Variants in KLHL32 observed in about 807,000 individuals in gnomAD.
KLHL32 encodes the protein kelch like family member 32, also known as kelch-like protein 32.
A neutral mutation model predicts 64.8 loss-of-function variants in KLHL32; 35 were observed. The observed-to-expected ratio is 0.54, with a 90% CI of 0.41 to 0.72. The LOEUF (loss-of-function observed/expected upper bound fraction) is 0.72, where lower values mean the gene tolerates loss of function less well. Among genes scored for constraint, KLHL32 ranks in the 30% least tolerant of loss-of-function variants. The pLI is 0.00. For synonymous variants in KLHL32, 259 were observed against 281.0 expected, an observed-to-expected ratio of 0.92 and a Z score of 0.78; for missense variants, 589 against 768.5, an observed-to-expected ratio of 0.77 and a Z score of 2.76.
At chr6:97,132,388 T>C (rs1247658393) in intron 9 of KLHL32, among the ~76,000 whole-genome samples, 4 of 152,236 alleles carry the variant, frequency 2.6e-5, no homozygotes, top group Non-Finnish European at 1.5e-5. Context: ...CTACATGGCT[T>C]ACTATTGCTG....
chr6:96,977,616 A>T (rs1029870507), intron 3 of KLHL32, among the ~76,000 whole-genome samples: 2 of 152,166 alleles, frequency 1.3e-5, no homozygotes, highest in African/African-American at 4.8e-5. Context: ...TGTTACAGAC[A>T]CCAACTTAGG....
chr6:97,031,340 C>CG (rs1783509011), intron 3 of KLHL32, among the ~76,000 whole-genome samples: 1 of 142,150 alleles, frequency 7.0e-6, no homozygotes, highest in African/African-American at 2.7e-5. Context: ...AAGTTTTTAA[C>CG]ATTTTTTTTT....
At position 97,139,275 on chromosome 6, in the gene KLHL32, C is replaced by T; in HGVS notation, c.1856C>T (p.Thr619Ile). The stretch of plus-strand genomic sequence containing the variant: ...CAAGTGCCTCATCACAGGATTGGCA[C>T]CATCTGAAAAGCCAAGCCATCATGA... The part of the protein sequence containing the change: ...TLQVPHHRIG[T>I]I Residue 619 changes from threonine to isoleucine, a missense_variant, in exon 11 of 11, where the codon ACC becomes ATC. Physicochemically the swap from Thr to Ile is moderately conservative, Grantham distance 89. This residue lies in a region of KLHL32 where 172 missense variants were observed against 192.0 expected (regional missense o/e 0.90). Coordinates refer to ENST00000369261, the MANE Select transcript of KLHL32 (RefSeq NM_052904.4). 1 of 1,612,760 alleles carries T rather than the reference C, an allele frequency of 6.2e-7. No individual in the cohort carries two copies. The highest frequency in any genetic ancestry group is 1.1e-5 in the South Asian group (1 of 90,824).
At chr6:96,962,132 C>T (rs1773947644) in intron 1 of KLHL32, among the ~76,000 whole-genome samples, 1 of 152,108 alleles carries the variant, frequency 6.6e-6, no homozygotes, top group South Asian at 2.1e-4. Context: ...TTCACTTGCT[C>T]ACTATTATGG....
In KLHL32 at chr6:97,094,869, A is replaced by G. The variant is rs149044610; in HGVS notation, c.627+9528A>G. ...ATCTTCTTTGTGTGTGTTCTTGTTG[A>G]TGAGGAATGCCCACTACCTTCTCTG... On this transcript the variant is annotated intron_variant, in intron 6 of 10. Transcript: ENST00000369261. Among the ~76,000 whole-genome samples, 212 of 152,300 alleles carry G rather than the reference A, an allele frequency of 1.4e-3. 1 individual carries two copies. The highest frequency in any genetic ancestry group is 4.8e-3 in the African/African-American group (199 of 41,560).
intron 3 of KLHL32, among the ~76,000 whole-genome samples, chr6:96,989,720 T>C (rs1050722859): frequency 1.3e-5 from 2 of 151,868 alleles, no homozygotes; most frequent in African/African-American, 2.4e-5. Flanking sequence ...TCTCCCCCCC[T>C]CTCTTCCAGG....
At position 97,114,388 on chromosome 6, in the gene KLHL32, G is replaced by A; in HGVS notation, c.1233G>A (p.Gln411=). ...YAVGGRNELR[Q]VLPTVERYCP... The stretch of plus-strand genomic sequence containing the variant: ...TTGGGGGCAGAAATGAACTGCGCCA[G>A]GTTCTGCCTACAGTTGAGCGATATT... Residue 411 remains glutamine, a synonymous_variant, in exon 7 of 11, where the codon CAG becomes CAA. Coordinates refer to ENST00000369261, the MANE Select transcript of KLHL32 (RefSeq NM_052904.4). The A allele has an allele frequency of 6.2e-7, 1 of 1,614,226 alleles. No individual in the cohort carries two copies. Among genetic ancestry groups the A allele is most frequent in the Non-Finnish European group, 8.5e-7 (1 of 1,180,040 alleles).
At chr6:97,038,423 G>A (rs1027182746) in intron 3 of KLHL32, among the ~76,000 whole-genome samples, 62 of 151,970 alleles carry the variant, frequency 4.1e-4, no homozygotes, top group African/African-American at 1.5e-3. Context: ...AATGCTGAAG[G>A]TCACTGAGCA....
At chr6:97,086,132 C>A (rs142683654) in intron 6 of KLHL32, among the ~76,000 whole-genome samples, 9 of 152,258 alleles carry the variant, frequency 5.9e-5, no homozygotes, top group African/African-American at 2.2e-4. Context: ...TGTAGGGTGC[C>A]ATGCCTCCAA....
At chr6:96,913,634 C>T in the KLHL32 span, among the ~76,000 whole-genome samples, 1 of 152,286 alleles carries the variant, frequency 6.6e-6, no homozygotes, top group East Asian at 1.9e-4. Flanking sequence ...GTGAGCTTTA[C>T]TTTCATGAAT....
intron 5 of KLHL32, among the ~76,000 whole-genome samples, chr6:97,071,236 C>A (rs893022532): frequency 6.6e-6 from 1 of 152,138 alleles, no homozygotes; most frequent in Non-Finnish European, 1.5e-5. Context: ...CTCAAAAGTT[C>A]TTCCAACAAA....
intron 6 of KLHL32, among the ~76,000 whole-genome samples, chr6:97,095,600 C>G (rs1794875607): frequency 6.6e-6 from 1 of 152,162 alleles, no homozygotes; most frequent in African/African-American, 2.4e-5. Flanking sequence ...TCCTATTTGA[C>G]CTATACACAA....
At chr6:97,128,288 T>A (rs1319176813) in intron 8 of KLHL32, among the ~76,000 whole-genome samples, 1 of 152,240 alleles carries the variant, frequency 6.6e-6, no homozygotes, top group Non-Finnish European at 1.5e-5. Context: ...CTGTATTTAA[T>A]GAAGGCATTT....
chr6:97,078,978 T>A (rs1351681954), intron 5 of KLHL32, among the ~76,000 whole-genome samples: 1 of 152,222 alleles, frequency 6.6e-6, no homozygotes. Context: ...TCTCAGCTTG[T>A]ATCATCATTG....
At chr6:96,964,607 C>T (rs887476174) in intron 1 of KLHL32, among the ~76,000 whole-genome samples, 1 of 152,146 alleles carries the variant, frequency 6.6e-6, no homozygotes, top group Non-Finnish European at 1.5e-5. Flanking sequence ...GAGCCGAGAT[C>T]GCCCCACTGC....
Position 96,974,396 on chromosome 6 carries a change from T to C in KLHL32, c.24-1601T>C, listed in dbSNP as rs995363870. On this transcript the variant is annotated intron_variant, in intron 2 of 10. Transcript: ENST00000369261. Reference sequence around the variant, plus strand: ...GCTAATTAATCTCCATTCTAGACTTTGCATAGAAACTTGCAAAAAATTATT... The same window carrying C: ...GCTAATTAATCTCCATTCTAGACTTCGCATAGAAACTTGCAAAAAATTATT... Among the ~76,000 whole-genome samples the C allele has an allele frequency of 3.9e-5, 6 of 152,354 alleles. No individual in the cohort carries two copies. The South Asian group carries it at 6.2e-4, about 16-fold the overall frequency.
chr6:96,925,958 G>T (rs564016422), intron 1 of KLHL32, among the ~76,000 whole-genome samples: 270 of 151,576 alleles, frequency 1.8e-3, no homozygotes, highest in African/African-American at 6.1e-3. Flanking sequence ...TTTGCTTTTT[G>T]TTTTTTTTCT....
At chr6:96,940,047 T>C (rs1343228993) in intron 1 of KLHL32, among the ~76,000 whole-genome samples, 3 of 152,130 alleles carry the variant, frequency 2.0e-5, no homozygotes, top group Non-Finnish European at 4.4e-5. Context: ...GGTGGAGGTG[T>C]CATTCTATAC....
intron 3 of KLHL32, among the ~76,000 whole-genome samples, chr6:97,004,043 A>G (rs1779369467): frequency 1.3e-5 from 2 of 152,236 alleles, no homozygotes; most frequent in Admixed American, 6.5e-5. Flanking sequence ...TTATAGGAAT[A>G]GCACTGAATT....
Sources: allele counts gnomAD v4.1 joint callset (sites outside exome capture counted in the v4.1 genomes callset), GRCh38; gene constraint gnomAD v4.1.1; regional missense constraint gnomAD v4.1.1; transcripts MANE v1.5; gene names NCBI Gene and HGNC (gene_info 2026-07-23, HGNC 2026-07-21).